Variants in SERINC5 observed in about 807,000 individuals in gnomAD.
SERINC5 encodes serine incorporator 5.
A neutral mutation model predicts 63.1 loss-of-function variants in SERINC5; 41 were observed. The ratio of observed to expected loss-of-function variants is 0.65; its 90% CI spans 0.51 to 0.84. The LOEUF (loss-of-function observed/expected upper bound fraction) is 0.84. Among genes scored for constraint, SERINC5 ranks in the 40% least tolerant of loss-of-function variants. The pLI, the probability that SERINC5 is intolerant of heterozygous loss-of-function variation, is 0.00. For synonymous variants in SERINC5, 222 were observed against 215.2 expected, an observed-to-expected ratio of 1.03 and a Z score of -0.28; for missense variants, 523 against 573.0, an observed-to-expected ratio of 0.91 and a Z score of 0.89.
chr5:80,238,336 A>G (rs967252485), intron 1 of SERINC5, among the ~76,000 whole-genome samples: 13 of 152,120 alleles, frequency 8.5e-5, no homozygotes, highest in South Asian at 2.1e-4. Flanking sequence ...ACGGTGAGAT[A>G]GTACACTCTT....
intron 1 of SERINC5, among the ~76,000 whole-genome samples, chr5:80,211,715 A>G (rs965893884): frequency 6.6e-6 from 1 of 152,214 alleles, no homozygotes; most frequent in Admixed American, 6.5e-5. Context: ...TTTAGCTTAC[A>G]CACAGGTCAT....
intron 1 of SERINC5, among the ~76,000 whole-genome samples, chr5:80,210,367 G>C (rs1299888643): frequency 6.6e-6 from 1 of 152,096 alleles, no homozygotes; most frequent in Non-Finnish European, 1.5e-5. Context: ...CTCCAATGAA[G>C]GACCAGCCCC....
intron 5 of SERINC5, among the ~76,000 whole-genome samples, chr5:80,173,924 C>T (rs1270903237): frequency 6.6e-6 from 1 of 151,956 alleles, no homozygotes; most frequent in Non-Finnish European, 1.5e-5. Flanking sequence ...CCCTTTGTTT[C>T]AATTCTAATA....
chr5:80,118,206 A>C (rs1170986255), intron 11 of SERINC5, among the ~76,000 whole-genome samples: 1 of 152,118 alleles, frequency 6.6e-6, no homozygotes, highest in Admixed American at 6.6e-5. Context: ...CCACCTCAAA[A>C]AAAAAATAAT....
intron 8 of SERINC5, among the ~76,000 whole-genome samples, chr5:80,154,605 T>A (rs562366912): frequency 3.4e-4 from 52 of 151,456 alleles, no homozygotes; most frequent in Middle Eastern, 6.8e-3. Flanking sequence ...CACCCCCCCA[T>A]AAAGGCCCAG....
chr5:80,243,887 C>A (rs1752052097), intron 1 of SERINC5, among the ~76,000 whole-genome samples: 1 of 151,828 alleles, frequency 6.6e-6, no homozygotes, highest in African/African-American at 2.4e-5. Flanking sequence ...GATGAGATTC[C>A]ACAAACTTTC....
chr5:80,146,039 C>T, intron 11 of SERINC5, 51 bp downstream of exon 11: 1 of 1,600,938 alleles, frequency 6.2e-7, no homozygotes, highest in Non-Finnish European at 8.6e-7. Flanking sequence ...GTACTTAACT[C>T]TTAACTTTAA....
intron 2 of SERINC5, among the ~76,000 whole-genome samples, chr5:80,180,257 ACTTG>A (rs372124225): frequency 2.6e-5 from 4 of 152,362 alleles, no homozygotes; most frequent in African/African-American, 9.6e-5. Context: ...AGTCATAAAA[ACTTG>A]CTTCTTATCA....
intron 2 of SERINC5, among the ~76,000 whole-genome samples, chr5:80,202,008 C>G (rs1211795842): frequency 2.0e-5 from 3 of 152,062 alleles, no homozygotes; most frequent in African/African-American, 2.4e-5. Flanking sequence ...GAGGCCAAGG[C>G]GGGTAGATCA....
At chr5:80,144,000 G>A (rs1745669168) in intron 11 of SERINC5, 190 bp from the exon 12 acceptor site, 3 of 657,612 alleles carry the variant, frequency 4.6e-6, no homozygotes, top group East Asian at 2.9e-5. Flanking sequence ...CACCCCTTAG[G>A]TGCTCTCCCC....
chr5:80,162,138 C>T (rs1483788114), intron 7 of SERINC5, among the ~76,000 whole-genome samples: 1 of 152,140 alleles, frequency 6.6e-6, no homozygotes, highest in Non-Finnish European at 1.5e-5. Flanking sequence ...GGGACTCCTC[C>T]AGCTTTGAAG....
chr5:80,139,201 A>G lies in SERINC5; in HGVS notation c.*4462T>C, dbSNP rs1030847128. The G allele has an allele frequency of 3.1e-6, 3 of 977,502 alleles. No homozygotes were observed. Among genetic ancestry groups the G allele is most frequent in the African/African-American group, 1.8e-5 (1 of 57,074 alleles). The allele number at this position is 977,502 out of a possible 1,614,324, so 60.6% of individuals were successfully genotyped here. ...AAAAGTTTAAAAAATTAGCAAAGTT[A>G]TATCTATAAAACTTTTGTAGTTTTC... On this transcript the variant is annotated 3_prime_UTR_variant, in exon 12 of 12. Transcript: ENST00000507668.
At chr5:80,131,998 T>C (rs1744965747) in intron 11 of SERINC5, among the ~76,000 whole-genome samples, 2 of 152,038 alleles carry the variant, frequency 1.3e-5, no homozygotes, top group Non-Finnish European at 2.9e-5. Flanking sequence ...GAAAGATACG[T>C]AGAAGAGAAC....
At chr5:80,166,260 C>A in intron 7 of SERINC5, 123 bp downstream of exon 7, 2 of 680,660 alleles carry the variant, frequency 2.9e-6, no homozygotes, top group Non-Finnish European at 2.5e-6. Context: ...CCTTCCCAGC[C>A]TCTGGTAACC....
At chr5:80,208,980 T>C (rs1358829521) in intron 1 of SERINC5, among the ~76,000 whole-genome samples, 1 of 152,156 alleles carries the variant, frequency 6.6e-6, no homozygotes, top group Admixed American at 6.5e-5. Context: ...AAAAAGGTAA[T>C]TAAGGTTAGA....
At chr5:80,146,027 C>A in intron 11 of SERINC5, 63 bp downstream of exon 11, 1 of 1,557,082 alleles carries the variant, frequency 6.4e-7, no homozygotes, top group Admixed American at 1.7e-5. Context: ...CAAACACGAA[C>A]AGTACTTAAC....
intron 1 of SERINC5, among the ~76,000 whole-genome samples, chr5:80,222,148 AAAT>A (rs757428721): frequency 1.1e-4 from 16 of 152,090 alleles, no homozygotes; most frequent in East Asian, 1.9e-4. Flanking sequence ...ACTTTGTCTC[AAAT>A]AATAATAATA....
At chr5:80,172,694 G>A (rs946504823) in intron 5 of SERINC5, among the ~76,000 whole-genome samples, 8 of 152,248 alleles carry the variant, frequency 5.3e-5, no homozygotes, top group African/African-American at 1.7e-4. Context: ...GAGAAAAATG[G>A]GATTTTAAGA....
chr5:80,114,540 G>A (rs1744257171), intron 11 of SERINC5: 1 of 188,826 alleles, frequency 5.3e-6, no homozygotes, highest in South Asian at 6.5e-5. Context: ...TGTAACCCCA[G>A]CTACTTGGGA....
Sources: allele counts gnomAD v4.1 joint callset (sites outside exome capture counted in the v4.1 genomes callset), GRCh38; gene constraint gnomAD v4.1.1; transcripts MANE v1.5; gene names NCBI Gene and HGNC (gene_info 2026-07-23, HGNC 2026-07-21).